MAPK6: variants seen among roughly 807,000 people sequenced by gnomAD.
MAPK6 encodes ERK-3.
MAPK6 carries 19 observed loss-of-function variants against 59.3 expected under a neutral mutation model. The observed-to-expected ratio is 0.32, with a 90% confidence interval of 0.22 to 0.47. The LOEUF (loss-of-function observed/expected upper bound fraction) is 0.47. Among genes scored for constraint, MAPK6 ranks in the 20% least tolerant of loss-of-function variants. The pLI, the probability that MAPK6 is intolerant of heterozygous loss-of-function variation, is 1.00. For missense variants in MAPK6, 724 were observed against 847.9 expected (o/e 0.85, Z 1.81); for synonymous variants, 316 against 290.3 (o/e 1.09, Z -0.90).
chr15:52,031,000 G>T (rs997759623), intron 1 of MAPK6, among the ~76,000 whole-genome samples: 3 of 151,854 alleles, frequency 2.0e-5, no homozygotes, highest in African/African-American at 7.3e-5. Flanking sequence ...CACCATGTTG[G>T]TCAGTTTGGT....
At chr15:51,975,915 T>A (rs2057155868) in intron 1 of MAPK6, among the ~76,000 whole-genome samples, 1 of 151,852 alleles carries the variant, frequency 6.6e-6, no homozygotes, top group Non-Finnish European at 1.5e-5. Flanking sequence ...TGAATTAGGG[T>A]CCCACAATGG....
Position 52,039,365 on chromosome 15 carries a change from A to G in MAPK6, c.-631-6465A>G, listed in dbSNP as rs1488901898. Among the ~76,000 whole-genome samples, 3 of 152,236 alleles carry G rather than the reference A, an allele frequency of 2.0e-5. 1 individual carries two copies. Among genetic ancestry groups the G allele is most frequent in the South Asian group, 4.1e-4 (2 of 4,830 alleles). ...GGAAAATAACAACTAGAGATAAGCA[A>G]CAAAATAAACATAATGGCATGTGCT... On this transcript the variant is annotated intron_variant, in intron 1 of 5. Coordinates refer to ENST00000261845, the MANE Select transcript of MAPK6 (RefSeq NM_002748.4).
At chr15:51,999,086 C>T (rs1200426039) in intron 2 of MAPK6, among the ~76,000 whole-genome samples, 1 of 151,482 alleles carries the variant, frequency 6.6e-6, no homozygotes, top group African/African-American at 2.4e-5. Flanking sequence ...GCCTCCACCT[C>T]CCGAGTTCAA....
upstream of MAPK6, chr15:52,017,090 C>G (rs1455912758): frequency 1.3e-5 from 2 of 154,758 alleles, no homozygotes. Context: ...AAACCAGATC[C>G]CCCAAATCTT....
intron 2 of MAPK6, among the ~76,000 whole-genome samples, chr15:51,992,248 G>A (rs937987353): frequency 6.8e-6 from 1 of 146,900 alleles, no homozygotes; most frequent in Admixed American, 6.7e-5. Flanking sequence ...ATGAGCCACC[G>A]CACCCGGCTG....
intron 2 of MAPK6, among the ~76,000 whole-genome samples, chr15:51,986,798 A>G (rs2057192383): frequency 6.6e-6 from 1 of 152,126 alleles, no homozygotes; most frequent in Non-Finnish European, 1.5e-5. Flanking sequence ...TCAATCCCCA[A>G]TTCCATCAGC....
rs917553587 is a variant in MAPK6 at position 52,051,322 on chromosome 15, A to G, written c.700+1185A>G. On this transcript the variant is annotated intron_variant, in intron 3 of 5. Coordinates refer to ENST00000261845, the MANE Select transcript of MAPK6 (RefSeq NM_002748.4). Reference sequence around the variant, plus strand: ...TCCACCCGCCTCGGCCTCCCAAAGTACTGGGATTACAGGCGTGAGCCACCC... The same window carrying G: ...TCCACCCGCCTCGGCCTCCCAAAGTGCTGGGATTACAGGCGTGAGCCACCC... Among the ~76,000 whole-genome samples the G allele has an allele frequency of 5.7e-4, 87 of 151,964 alleles. 1 individual carries two copies. The highest frequency in any genetic ancestry group is 3.4e-3 in the Middle Eastern group (1 of 294).
At chr15:52,021,574 A>G (rs1026990735) in intron 1 of MAPK6, 1 of 152,146 alleles carries the variant, frequency 6.6e-6, no homozygotes, top group African/African-American at 2.4e-5. Flanking sequence ...GGTAAAACCA[A>G]TTTCTGGTCA....
chr15:51,979,483 A>G (rs1001860790), intron 1 of MAPK6, among the ~76,000 whole-genome samples: 4 of 151,856 alleles, frequency 2.6e-5, no homozygotes, highest in Non-Finnish European at 4.4e-5. Flanking sequence ...TAATATTTAT[A>G]TAAAGCTACC....
intron 1 of MAPK6, among the ~76,000 whole-genome samples, chr15:51,981,119 A>G (rs987420352): frequency 1.3e-5 from 2 of 151,772 alleles, no homozygotes; most frequent in Non-Finnish European, 2.9e-5. Context: ...CCCTATACAA[A>G]TGAGAGTTTG....
Position 52,061,623 on chromosome 15 carries a change from A to G in MAPK6, c.1067+123A>G. The G allele has an allele frequency of 3.8e-6, 3 of 779,712 alleles. No individual in the cohort carries two copies. The Admixed American group carries it at 8.8e-5, about 23-fold the overall frequency. 48.3% of individuals were successfully genotyped at this position (779,712 alleles called of 1,614,324 possible). Reference sequence around the variant, plus strand: ...GTCTTAAAAATTTAGTAATGTAAAGATACAAAAATTAGTCAGGTGTGGTGG... The same window carrying G: ...GTCTTAAAAATTTAGTAATGTAAAGGTACAAAAATTAGTCAGGTGTGGTGG... On this transcript the variant is annotated intron_variant, in intron 5 of 5. Transcript: ENST00000261845.
chr15:52,021,518 T>C (rs1795927051), intron 1 of MAPK6: 1 of 152,164 alleles, frequency 6.6e-6, no homozygotes, highest in South Asian at 2.1e-4. Context: ...TAAAAGGATA[T>C]CATATACCCT....
chr15:52,047,041 A>G (rs966348722), intron 2 of MAPK6, 26 bp downstream of exon 2: 14 of 1,490,236 alleles, frequency 9.4e-6, no homozygotes, highest in Non-Finnish European at 1.3e-5. Flanking sequence ...CAGCTGAGAC[A>G]GATCTTTAAA....
intron 3 of MAPK6, among the ~76,000 whole-genome samples, chr15:52,009,396 A>C (rs533565875): frequency 3.3e-5 from 5 of 152,330 alleles, no homozygotes; most frequent in African/African-American, 1.2e-4. Flanking sequence ...GGGCCTCTCA[A>C]GATAGAAGGA....
At chr15:51,982,553 T>C (rs1440671956) in intron 1 of MAPK6, among the ~76,000 whole-genome samples, 2 of 152,096 alleles carry the variant, frequency 1.3e-5, no homozygotes, top group Admixed American at 1.3e-4. Flanking sequence ...AGAAAGAAAA[T>C]GTCCTGTGTT....
chr15:52,060,443 A>G (rs2032155844), intron 4 of MAPK6, among the ~76,000 whole-genome samples: 1 of 152,202 alleles, frequency 6.6e-6, no homozygotes, highest in African/African-American at 2.4e-5. Context: ...AGAGAAGGCC[A>G]GATAGCAAAG....
chr15:52,005,368 A>G (rs908307569), intron 3 of MAPK6, among the ~76,000 whole-genome samples: 1 of 152,132 alleles, frequency 6.6e-6, no homozygotes, highest in Non-Finnish European at 1.5e-5. Context: ...CTACTAAAAA[A>G]GTACAAAACT....
At chr15:52,057,109 A>G (rs1029671154) in intron 3 of MAPK6, 1 of 151,694 alleles carries the variant, frequency 6.6e-6, no homozygotes. Context: ...TTCAAACTAT[A>G]TCCAGACTCT....
At chr15:51,997,778 G>T (rs1456647851) in intron 2 of MAPK6, among the ~76,000 whole-genome samples, 1 of 151,390 alleles carries the variant, frequency 6.6e-6, no homozygotes, top group Non-Finnish European at 1.5e-5. Flanking sequence ...TTTTAGTAGA[G>T]ACAGGGTTTC....
Sources: allele counts gnomAD v4.1 joint callset (sites outside exome capture counted in the v4.1 genomes callset), GRCh38; gene constraint gnomAD v4.1.1; transcripts MANE v1.5; gene names NCBI Gene and HGNC (gene_info 2026-07-23, HGNC 2026-07-21).